Variants in RIMS2 observed in about 807,000 individuals in gnomAD.
RIMS2 encodes the protein regulating synaptic membrane exocytosis protein 2.
In RIMS2, 59 loss-of-function variants were observed where a neutral mutation model predicts 174.4. The observed-to-expected ratio is 0.34, with a 90% CI of 0.27 to 0.42. RIMS2 has a LOEUF of 0.42. Ranked by LOEUF, RIMS2 falls within the 10% of genes least tolerant of loss-of-function variation. The pLI, the probability that RIMS2 is intolerant of heterozygous loss-of-function variation, is 1.00. For synonymous variants in RIMS2, 606 were observed against 572.5 expected (o/e 1.06, Z -0.84); for missense variants, 1,620 against 1,666.3 (o/e 0.97, Z 0.48).
At chr8:104,207,560 C>T (rs1310890880) in intron 19 of RIMS2, among the ~76,000 whole-genome samples, 5 of 151,894 alleles carry the variant, frequency 3.3e-5, no homozygotes, top group Admixed American at 2.6e-4. Flanking sequence ...AATCCCAGCA[C>T]TTTGGGAGGC....
chr8:103,734,191 T>G (rs1435758005), intron 2 of RIMS2, among the ~76,000 whole-genome samples: 1 of 151,778 alleles, frequency 6.6e-6, no homozygotes, highest in East Asian at 1.9e-4. Flanking sequence ...TTTTGTATTT[T>G]CAGTAGAGAT....
chr8:103,510,169 T>C (rs919224943), intron 1 of RIMS2, among the ~76,000 whole-genome samples: 1 of 152,090 alleles, frequency 6.6e-6, no homozygotes, highest in Admixed American at 6.6e-5. Context: ...AGGCTAAAAC[T>C]AGGGGAAAAG....
intron 14 of RIMS2, among the ~76,000 whole-genome samples, chr8:103,951,883 T>A (rs1219361207): frequency 6.6e-6 from 1 of 152,214 alleles, no homozygotes; most frequent in Non-Finnish European, 1.5e-5. Context: ...CACAGCAGTC[T>A]GAGTTCTACC....
At chr8:103,540,945 T>G (rs1171725589) in intron 1 of RIMS2, among the ~76,000 whole-genome samples, 1 of 151,790 alleles carries the variant, frequency 6.6e-6, no homozygotes, top group Non-Finnish European at 1.5e-5. Flanking sequence ...CAAAGACAAG[T>G]TACTTGAAAA....
intron 17 of RIMS2, chr8:103,998,039 G>A: frequency 1.7e-6 from 1 of 579,602 alleles, no homozygotes; most frequent in Non-Finnish European, 3.0e-6. Flanking sequence ...ATTGGGAGGA[G>A]GGGGCAAGCT....
chr8:103,593,345 C>T (rs923938910), intron 1 of RIMS2, among the ~76,000 whole-genome samples: 2 of 151,494 alleles, frequency 1.3e-5, no homozygotes, highest in South Asian at 4.2e-4. Flanking sequence ...TGCAAAATTG[C>T]ACATGGGTAA....
chr8:103,762,580 GT>G (rs2098123982), intron 2 of RIMS2, among the ~76,000 whole-genome samples: 1 of 152,156 alleles, frequency 6.6e-6, no homozygotes, highest in Admixed American at 6.5e-5. Context: ...TTTGTGAGAG[GT>G]ATTGGTGTGT....
intron 1 of RIMS2, among the ~76,000 whole-genome samples, chr8:103,572,567 T>TG (rs1484719036): frequency 2.3e-5 from 3 of 128,056 alleles, no homozygotes; most frequent in Admixed American, 2.3e-4. Context: ...AATCTGTTTG[T>TG]TTTTTTTTTC....
intron 19 of RIMS2, among the ~76,000 whole-genome samples, chr8:104,109,854 T>G (rs769201272): frequency 2.6e-5 from 4 of 152,222 alleles, no homozygotes; most frequent in Non-Finnish European, 4.4e-5. Context: ...TAGTTTGATA[T>G]GGTTGACCTT....
chr8:103,588,405 T>C (rs2094081037), intron 1 of RIMS2, among the ~76,000 whole-genome samples: 1 of 151,670 alleles, frequency 6.6e-6, no homozygotes, highest in Admixed American at 6.6e-5. Context: ...AAATAGAATA[T>C]TATCCTAAAA....
chr8:103,910,778 A>G (rs543867036), intron 5 of RIMS2, among the ~76,000 whole-genome samples: 1 of 152,326 alleles, frequency 6.6e-6, no homozygotes, highest in South Asian at 2.1e-4. Context: ...AATAAAACTT[A>G]GGAACAAAGG....
rs1391254039 is a variant in RIMS2 at position 103,936,736 on chromosome 8, T to C, written c.2547+14T>C. On this transcript the variant is annotated intron_variant, in intron 13 of 23. Coordinates refer to ENST00000504942, the Ensembl canonical transcript of RIMS2. ...TTCTTAGGCGAGGTATCTGGAGTTG[T>C]TTTAAAGTTTATGCTATTCATGTTA... 4.4e-6 allele frequency: 7 copies of C among 1,583,194 alleles called. No homozygotes were observed. The highest frequency in any genetic ancestry group is 6.0e-6 in the Non-Finnish European group (7 of 1,164,782).
chr8:103,932,859 G>A (rs936935749), intron 12 of RIMS2, among the ~76,000 whole-genome samples: 30 of 152,170 alleles, frequency 2.0e-4, no homozygotes, highest in African/African-American at 6.7e-4. Flanking sequence ...GCACCGTAAT[G>A]TGACCCTATC....
At chr8:103,592,068 A>G (rs1229732716) in intron 1 of RIMS2, among the ~76,000 whole-genome samples, 4 of 151,216 alleles carry the variant, frequency 2.6e-5, no homozygotes, top group African/African-American at 9.7e-5. Flanking sequence ...ATGTTCTTGC[A>G]GAATCTTAGG....
intron 19 of RIMS2, among the ~76,000 whole-genome samples, chr8:104,051,305 T>C (rs914120625): frequency 9.2e-5 from 14 of 152,192 alleles, no homozygotes; most frequent in Admixed American, 8.5e-4. Flanking sequence ...CACACACACA[T>C]ATATATATTT....
exon 4 of RIMS2, chr8:103,885,482 G>A (rs1469042326): frequency 1.9e-6 from 3 of 1,612,638 alleles, no homozygotes; most frequent in South Asian, 1.1e-5. Flanking sequence ...AAGTTATAGG[G>A]ACTCCAACAG....
chr8:103,529,564 C>T (rs373413238), intron 1 of RIMS2, among the ~76,000 whole-genome samples: 1 of 152,234 alleles, frequency 6.6e-6, no homozygotes, highest in African/African-American at 2.4e-5. Context: ...TCCCTGACCC[C>T]TTCTGCTTCC....
intron 1 of RIMS2, among the ~76,000 whole-genome samples, chr8:103,535,609 T>C (rs1839393054): frequency 6.6e-6 from 1 of 152,222 alleles, no homozygotes; most frequent in Non-Finnish European, 1.5e-5. Context: ...TCTGTTCTGC[T>C]TCCTCACCTT....
At chr8:103,780,167 G>A (rs2098371920) in intron 3 of RIMS2, among the ~76,000 whole-genome samples, 1 of 152,014 alleles carries the variant, frequency 6.6e-6, no homozygotes, top group African/African-American at 2.4e-5. Flanking sequence ...GCTGCTTTTA[G>A]GATCCTCTCT....
Sources: gnomAD v4.1 joint callset for allele counts (sites outside exome capture counted in the v4.1 genomes callset) on GRCh38, gnomAD v4.1.1 for gene constraint, MANE v1.5 for transcripts, NCBI Gene and HGNC (gene_info 2026-07-23, HGNC 2026-07-21) for gene names.